Variants in ARHGEF10 observed in about 807,000 individuals in gnomAD.
ARHGEF10 encodes the protein Rho guanine nucleotide exchange factor 10.
In ARHGEF10, 140 loss-of-function variants were observed where a neutral mutation model predicts 147.4. That is an observed-to-expected ratio of 0.95 (90% CI 0.83 to 1.09). The LOEUF is 1.09. Ranked by LOEUF, ARHGEF10 falls within the 50% of genes least tolerant of loss-of-function variation. The pLI, the probability that ARHGEF10 is intolerant of heterozygous loss-of-function variation, is 0.00. For missense variants in ARHGEF10, 2,222 were observed against 1,752.7 expected (o/e 1.27, Z -4.78); for synonymous variants, 902 against 695.8 (o/e 1.30, Z -4.67).
chr8:1,871,620 C>G (rs1463457936), intron 7 of ARHGEF10, among the ~76,000 whole-genome samples: 3 of 152,144 alleles, frequency 2.0e-5, no homozygotes, highest in Non-Finnish European at 4.4e-5. Flanking sequence ...GAGTTCAAGA[C>G]CAGCCTGGCC....
At chr8:1,861,101 G>A (rs1209821110) in intron 4 of ARHGEF10, among the ~76,000 whole-genome samples, 5 of 152,194 alleles carry the variant, frequency 3.3e-5, no homozygotes, top group Non-Finnish European at 7.3e-5. Context: ...TGGGTGCCTC[G>A]CTCACCTCCG....
Position 1,957,481 on chromosome 8 carries a change from C to A in ARHGEF10, c.*218C>A. The A allele has an allele frequency of 1.5e-6, 1 of 684,672 alleles. No homozygotes were observed. The highest frequency in any genetic ancestry group is 1.9e-5 in the South Asian group (1 of 51,704). 42.4% of individuals were successfully genotyped at this position (684,672 alleles called of 1,614,324 possible). A position where few individuals can be genotyped will look rare whatever the true frequency, so the allele number is the denominator to read the frequency against. ...TAATTACAAGCACTTCTCACGAAGGCAGAAGACTGATGCAATTTTCGAGTA... is the reference window on the plus strand; with the variant it reads ...TAATTACAAGCACTTCTCACGAAGGAAGAAGACTGATGCAATTTTCGAGTA... On this transcript the variant is annotated 3_prime_UTR_variant, in exon 29 of 29. Coordinates refer to ENST00000349830, the MANE Select transcript of ARHGEF10 (RefSeq NM_014629.4).
In ARHGEF10 at chr8:1,879,130, A is replaced by C. The variant is rs560794720; in HGVS notation, c.844-918A>C. ...CTCAAAAAATCTCGAATTTTGTTAA[A>C]AACTTCCTAAAGTGTCTGTGACATG... On this transcript the variant is annotated intron_variant, in intron 8 of 28. Transcript: ENST00000349830. Among the ~76,000 whole-genome samples the C allele has an allele frequency of 2.4e-4, 36 of 152,320 alleles. 2 individuals are homozygous for C. In the South Asian group the frequency reaches 6.8e-3, roughly 29 times the overall value.
At position 1,903,170 on chromosome 8, in the gene ARHGEF10, G is replaced by A; in HGVS notation, c.1651-111G>A. On this transcript the variant is annotated intron_variant, in intron 15 of 28. Transcript: ENST00000349830. ...AAGAACTGACTTTATTTTTCCCCAGGATGGCAGATGCCACTGCCTCCTTTC... is the reference window on the plus strand; with the variant it reads ...AAGAACTGACTTTATTTTTCCCCAGAATGGCAGATGCCACTGCCTCCTTTC... 27 of 1,350,660 alleles carry A rather than the reference G, an allele frequency of 2.0e-5. No individual in the cohort carries two copies. In the South Asian group the frequency reaches 3.0e-4, roughly 15 times the overall value. The allele number at this position is 1,350,660 out of a possible 1,614,324, so 83.7% of individuals were successfully genotyped here. A position where few individuals can be genotyped will look rare whatever the true frequency, so the allele number is the denominator to read the frequency against.
intron 1 of ARHGEF10, among the ~76,000 whole-genome samples, chr8:1,836,192 AAAG>A (rs1803569960): frequency 7.7e-6 from 1 of 129,292 alleles, no homozygotes; most frequent in Non-Finnish European, 1.7e-5. Flanking sequence ...GAAAAAAAAA[AAAG>A]AAAAAAAAAA....
rs866787550 is a variant in ARHGEF10 at position 1,851,644 on chromosome 8, G to C, written c.38-6316G>C. 2.6e-5 allele frequency among the ~76,000 whole-genome samples: 4 copies of C among 152,318 alleles called. 1 individual carries two copies. Among genetic ancestry groups the C allele is most frequent in the Middle Eastern group, 6.8e-3 (2 of 294 alleles). Reference sequence around the variant, plus strand: ...GCAACCAAACTGGGGTGGGCACGTTGGCTCTTGCCTGTAATCCCAGCACTT... The same window carrying C: ...GCAACCAAACTGGGGTGGGCACGTTCGCTCTTGCCTGTAATCCCAGCACTT... On this transcript the variant is annotated intron_variant, in intron 2 of 28. Coordinates refer to ENST00000349830, the MANE Select transcript of ARHGEF10 (RefSeq NM_014629.4).
chr8:1,914,631 C>T (rs1416660256), intron 18 of ARHGEF10, among the ~76,000 whole-genome samples: 1 of 152,222 alleles, frequency 6.6e-6, no homozygotes, highest in African/African-American at 2.4e-5. Context: ...AAATACACAG[C>T]AGTCGAAATG....
At chr8:1,830,377 C>T (rs1803021851) in intron 1 of ARHGEF10, among the ~76,000 whole-genome samples, 1 of 152,224 alleles carries the variant, frequency 6.6e-6, no homozygotes, top group Non-Finnish European at 1.5e-5. Context: ...GCCGTGCAAA[C>T]ACCTGCGAGC....
chr8:1,916,851 T>C (rs960262125), intron 18 of ARHGEF10, among the ~76,000 whole-genome samples: 1 of 152,240 alleles, frequency 6.6e-6, no homozygotes, highest in African/African-American at 2.4e-5. Flanking sequence ...GTAATTCTTG[T>C]ATCTGGAGAC....
chr8:1,934,083 C>A, intron 26 of ARHGEF10, 141 bp downstream of exon 26: 3 of 1,162,462 alleles, frequency 2.6e-6, no homozygotes, highest in Non-Finnish European at 3.7e-6. Context: ...GCCTGTAATG[C>A]CAACACTCTG....
chr8:1,832,613 G>A (rs1231821796), intron 1 of ARHGEF10, among the ~76,000 whole-genome samples: 1 of 123,508 alleles, frequency 8.1e-6, no homozygotes, highest in Non-Finnish European at 1.6e-5. Context: ...CAGAGGCAGA[G>A]ACAGAGGCAG....
intron 15 of ARHGEF10, among the ~76,000 whole-genome samples, chr8:1,901,583 G>C (rs13254998): frequency 0.086 from 13,096 of 152,294 alleles, 622 homozygotes; most frequent in African/African-American, 0.12. Flanking sequence ...ACAGCAGCGA[G>C]AAACTTCACT....
chr8:1,923,942 G>A, intron 21 of ARHGEF10, 68 bp downstream of exon 21: 2 of 1,461,244 alleles, frequency 1.4e-6, no homozygotes, highest in Admixed American at 3.5e-5. Flanking sequence ...CCACGAGGGT[G>A]AGGTCAGGGT....
At chr8:1,891,107 G>T (rs1377173016) in intron 11 of ARHGEF10, among the ~76,000 whole-genome samples, 1 of 152,138 alleles carries the variant, frequency 6.6e-6, no homozygotes, top group Admixed American at 6.5e-5. Flanking sequence ...GTATAGCAAG[G>T]TCTCTGTGTT....
intron 28 of ARHGEF10, among the ~76,000 whole-genome samples, chr8:1,955,529 C>G (rs60435451): frequency 0.015 from 2,079 of 143,052 alleles, 1 homozygote; most frequent in African/African-American, 0.038. Context: ...CTAGGAGCAT[C>G]CTGAAAGGAG....
intron 24 of ARHGEF10, 109 bp downstream of exon 24, chr8:1,928,759 G>T: frequency 1.6e-6 from 2 of 1,284,608 alleles, no homozygotes; most frequent in Non-Finnish European, 2.2e-6. Flanking sequence ...GGAGTAGCCC[G>T]TGCAGGAATT....
intron 11 of ARHGEF10, among the ~76,000 whole-genome samples, chr8:1,888,730 A>AG (rs199650878): frequency 1.3e-4 from 5 of 38,354 alleles, no homozygotes; most frequent in African/African-American, 5.4e-4. Flanking sequence ...GAATAGGGTG[A>AG]GGTTTGTGAG....
chr8:1,898,626 G>T (rs1227699026), intron 15 of ARHGEF10, 101 bp downstream of exon 15: 1 of 1,188,600 alleles, frequency 8.4e-7, no homozygotes, highest in South Asian at 1.3e-5. Flanking sequence ...GCTGCCCCTC[G>T]GGCCTCCTCA....
Position 1,936,675 on chromosome 8 carries a change from T to A in ARHGEF10, c.3222+2733T>A, listed in dbSNP as rs144540231. ...ATCATTAAGAGCTTCTAAAAATACT[T>A]CTCTAGACCATCGTTAGGAGGGATG... On this transcript the variant is annotated intron_variant, in intron 26 of 28. Coordinates refer to ENST00000349830, the MANE Select transcript of ARHGEF10 (RefSeq NM_014629.4). Among the ~76,000 whole-genome samples the A allele has an allele frequency of 4.5e-3, 680 of 152,318 alleles. 1 individual carries two copies. The highest frequency in any genetic ancestry group is 7.2e-3 in the Non-Finnish European group (491 of 68,036).
Sources: allele counts gnomAD v4.1 joint callset (sites outside exome capture counted in the v4.1 genomes callset), GRCh38; gene constraint gnomAD v4.1.1; transcripts MANE v1.5; gene names NCBI Gene and HGNC (gene_info 2026-07-23, HGNC 2026-07-21).